Variants in OLFML2A observed in about 807,000 individuals in gnomAD.
OLFML2A encodes olfactomedin-like protein 2A.
A neutral mutation model predicts 60.9 loss-of-function variants in OLFML2A; 47 were observed. That is an observed-to-expected ratio of 0.77 (90% confidence interval 0.61 to 0.98). The LOEUF is 0.98. Ranked by LOEUF, OLFML2A falls within the 50% of genes least tolerant of loss-of-function variation. OLFML2A has a pLI of 0.00. For synonymous variants in OLFML2A, 372 were observed against 375.0 expected (o/e 0.99, Z 0.09); for missense variants, 922 against 879.8 (o/e 1.05, Z -0.61).
At chr9:124,806,300 T>A (rs1841896648) in intron 6 of OLFML2A, among the ~76,000 whole-genome samples, 1 of 152,190 alleles carries the variant, frequency 6.6e-6, no homozygotes, top group Non-Finnish European at 1.5e-5. Flanking sequence ...TTTAAATGTG[T>A]GTATTTATAA....
In OLFML2A at chr9:124,810,175, C is replaced by G; in HGVS notation, c.1722C>G (p.Ser574=). 6.2e-7 allele frequency: 1 copy of G among 1,613,972 alleles called. No homozygotes were observed. Among genetic ancestry groups the G allele is most frequent in the Non-Finnish European group, 8.5e-7 (1 of 1,180,028 alleles). The change falls in exon 8 of 8, where the codon TCC becomes TCG. Residue 574 remains serine, a synonymous_variant. Coordinates refer to ENST00000373580, the MANE Select transcript of OLFML2A (RefSeq NM_182487.4). The stretch of plus-strand genomic sequence containing the variant: ...GGAAGACACGGCTGCGGCGGAACTC[C>G]TACGGGAACTGCTTCCTGGTGTGCG... The part of the protein sequence containing the change: ...TTWKTRLRRN[S]YGNCFLVCGI...
In OLFML2A at chr9:124,799,337, G is replaced by A. The variant is rs61741071; in HGVS notation, c.515G>A (p.Arg172His). 441 of 1,613,524 alleles carry A rather than the reference G, an allele frequency of 2.7e-4. 3 individuals are homozygous for A. The highest frequency in any genetic ancestry group is 4.3e-5 in the Non-Finnish European group (51 of 1,179,714). ...RENEVVKDSV[R>H]HLSEQLRHYE... Reference sequence around the variant, plus strand: ...AATGAGGTGGTGAAGGACAGCGTGCGCCACCTCAGTGAGCAGTTGAGGCAC... The same window carrying A: ...AATGAGGTGGTGAAGGACAGCGTGCACCACCTCAGTGAGCAGTTGAGGCAC... The change falls in exon 4 of 8, where the codon CGC becomes CAC. Residue 172 changes from arginine (R) to histidine (H), a missense_variant. Coordinates refer to ENST00000373580, the MANE Select transcript of OLFML2A (RefSeq NM_182487.4).
chr9:124,781,069 G>C (rs1208353909), intron 1 of OLFML2A, among the ~76,000 whole-genome samples: 1 of 152,172 alleles, frequency 6.6e-6, no homozygotes, highest in Non-Finnish European at 1.5e-5. Context: ...GAGGGAGTAG[G>C]GATCCATGGA....
rs1042309437 is a variant in OLFML2A, at chr9:124,801,519, G to C, written c.775G>C (p.Val259Leu). Residue 259 changes from valine (V) to leucine (L), a missense_variant, in exon 5 of 8, where the codon GTG becomes CTG. Val to Leu is a conservative substitution (Grantham distance 32). Transcript: ENST00000373580. ...ACCTCCCAAGGAGAAGCTGCTTCAG[G>C]TGGAGAAGCTGAGAAAGGAGAGCGG... ...PKPPKEKLLQ[V>L]EKLRKESGKG... 2 of 1,614,036 alleles carry C rather than the reference G, an allele frequency of 1.2e-6. No individual in the cohort carries two copies. Among genetic ancestry groups the C allele is most frequent in the Non-Finnish European group, 1.7e-6 (2 of 1,180,048 alleles).
intron 4 of OLFML2A, chr9:124,801,213 G>A (rs766628590): frequency 1.0e-5 from 9 of 886,166 alleles, no homozygotes; most frequent in African/African-American, 3.4e-5. Context: ...GAGCTAAAGA[G>A]CTGGGTGAGG....
intron 6 of OLFML2A, among the ~76,000 whole-genome samples, chr9:124,805,622 G>A (rs1841877563): frequency 6.6e-6 from 1 of 152,092 alleles, no homozygotes; most frequent in African/African-American, 2.4e-5. Context: ...TGGGAGAATG[G>A]TGGGAGGGGG....
At chr9:124,789,219 T>C (rs954157976) in intron 2 of OLFML2A, among the ~76,000 whole-genome samples, 1 of 152,218 alleles carries the variant, frequency 6.6e-6, no homozygotes, top group Non-Finnish European at 1.5e-5. Flanking sequence ...CGTGAGTCAC[T>C]GTGCCTTTCC....
At chr9:124,786,847 C>T (rs1488894982) in intron 1 of OLFML2A, 128 bp from the exon 2 acceptor site, 2 of 859,926 alleles carry the variant, frequency 2.3e-6, no homozygotes, top group Non-Finnish European at 3.7e-6. Context: ...ATTGCACCCC[C>T]TCCTACCTGC....
rs754524477 is a variant in OLFML2A, at chr9:124,801,620, C to T, written c.876C>T (p.Thr292=). The T allele has an allele frequency of 1.2e-6, 2 of 1,613,848 alleles. No individual in the cohort carries two copies. Among genetic ancestry groups the T allele is most frequent in the Non-Finnish European group, 1.7e-6 (2 of 1,180,010 alleles). ...AQQQAVIRGF[T]YYKAGKQEVT... is the part of the protein sequence containing the mutation. ...AGCAGGCTGTGATCCGGGGCTTCAC[C>T]TACTACAAGGCAGGCAAGCAGGAGG... The change falls in exon 5 of 8, where the codon ACC becomes ACT. Residue 292 remains threonine (T), a synonymous_variant. Coordinates refer to ENST00000373580, the MANE Select transcript of OLFML2A (RefSeq NM_182487.4).
Position 124,779,545 on chromosome 9 carries a change from G to A in OLFML2A, c.90+2185G>A, listed in dbSNP as rs539587266. On this transcript the variant is annotated intron_variant, in intron 1 of 7. Coordinates refer to ENST00000373580, the MANE Select transcript of OLFML2A (RefSeq NM_182487.4). This position sits in a 1 kb window ranked among gnomAD's most constrained non-coding sequence, Gnocchi z 4.1. The stretch of plus-strand genomic sequence containing the variant: ...CACTTGCTAGGTTGTGTGTGTGTGT[G>A]GTGGGGGGGGGGTGTTTAGCTGTCC... 4.1e-4 allele frequency among the ~76,000 whole-genome samples: 37 copies of A among 90,148 alleles called. No individual in the cohort carries two copies. Among genetic ancestry groups the A allele is most frequent in the African/African-American group, 2.3e-3 (35 of 15,516 alleles). 59.1% of individuals were successfully genotyped at this position (90,148 alleles called of 152,430 possible). A position where few individuals can be genotyped will look rare whatever the true frequency, so the allele number is the denominator to read the frequency against.
At position 124,813,708 on chromosome 9, in the gene OLFML2A, C is replaced by G. The variant is rs960676808; in HGVS notation, c.*3296C>G. The G allele has an allele frequency of 6.6e-6, 1 of 152,104 alleles. No homozygotes were observed. The highest frequency in any genetic ancestry group is 1.5e-5 in the Non-Finnish European group (1 of 68,018). The allele number at this position is 152,104 out of a possible 1,614,324, so 9.4% of individuals were successfully genotyped here. On this transcript the variant is annotated 3_prime_UTR_variant, in exon 8 of 8. Transcript: ENST00000373580. The stretch of plus-strand genomic sequence containing the variant: ...CCTCCAGTCATATTTAGAACAAAGT[C>G]AAGTATAAATTTACAGAGAAAAAAT...
intron 1 of OLFML2A, among the ~76,000 whole-genome samples, chr9:124,784,701 G>A (rs1226193744): frequency 6.6e-6 from 1 of 152,020 alleles, no homozygotes; most frequent in African/African-American, 2.4e-5. Context: ...GAACATCTTT[G>A]TCATCCCAAA....
At chr9:124,787,744 A>C (rs1841503981) in intron 2 of OLFML2A, among the ~76,000 whole-genome samples, 1 of 151,452 alleles carries the variant, frequency 6.6e-6, no homozygotes, top group South Asian at 2.1e-4. Flanking sequence ...TTTTTAGTAG[A>C]TACAGGGTTT....
intron 1 of OLFML2A, among the ~76,000 whole-genome samples, chr9:124,778,086 G>T (rs374138324): frequency 6.6e-6 from 1 of 152,288 alleles, no homozygotes; most frequent in East Asian, 1.9e-4. Context: ...TAGGCCGGGC[G>T]CGGTGGCTCA....
chr9:124,805,765 A>T (rs1841882215), intron 6 of OLFML2A, among the ~76,000 whole-genome samples: 1 of 151,366 alleles, frequency 6.6e-6, no homozygotes, highest in South Asian at 2.1e-4. Flanking sequence ...AACTATTTAA[A>T]TAAAATTTTA....
rs1339450075 is a variant in OLFML2A, at chr9:124,777,319, GTGC to G, written c.58_60del (p.Leu20del). The G allele has an allele frequency of 1.5e-6, 2 of 1,298,220 alleles. No homozygotes were observed. Among genetic ancestry groups the G allele is most frequent in the East Asian group, 3.2e-5 (1 of 31,482 alleles). 80.4% of individuals were successfully genotyped at this position (1,298,220 alleles called of 1,614,324 possible). A position where few individuals can be genotyped will look rare whatever the true frequency, so the allele number is the denominator to read the frequency against. On this transcript the variant is annotated inframe_deletion, in exon 1 of 8. Coordinates refer to ENST00000373580, the MANE Select transcript of OLFML2A (RefSeq NM_182487.4). The surrounding 1 kb of genome is among the most constrained non-coding windows in gnomAD (Gnocchi z 6.2). ...CCGGCCGCTGCTCCTTCTGCCGCTA[GTGC>G]TGCTGCTGAGCGGCCGCCCCACGCG... is the stretch of plus-strand genomic sequence containing the variant.
At chr9:124,789,015 C>T (rs1250869850) in intron 2 of OLFML2A, among the ~76,000 whole-genome samples, 1 of 152,196 alleles carries the variant, frequency 6.6e-6, no homozygotes, top group Non-Finnish European at 1.5e-5. Context: ...TCACTGCAGC[C>T]TCAACCTCCC....
At chr9:124,788,022 C>T (rs1428150302) in intron 2 of OLFML2A, among the ~76,000 whole-genome samples, 1 of 151,748 alleles carries the variant, frequency 6.6e-6, no homozygotes, top group Non-Finnish European at 1.5e-5. Context: ...AACCTTCGGC[C>T]GGGCATGGTG....
chr9:124,796,234 T>G (rs1185175922), intron 3 of OLFML2A, among the ~76,000 whole-genome samples: 1 of 152,248 alleles, frequency 6.6e-6, no homozygotes, highest in Admixed American at 6.5e-5. Context: ...GTGTTTGGTA[T>G]GTACCTACTA....
Sources: gnomAD v4.1 joint callset for allele counts (sites outside exome capture counted in the v4.1 genomes callset) on GRCh38, gnomAD v4.1.1 for gene constraint, Gnocchi (gnomAD v3.1) non-coding constraint, MANE v1.5 for transcripts, NCBI Gene and HGNC (gene_info 2026-07-23, HGNC 2026-07-21) for gene names.